MYO18B: variants seen among roughly 807,000 people sequenced by gnomAD.
MYO18B encodes unconventional myosin-XVIIIb.
A neutral mutation model predicts 273.0 loss-of-function variants in MYO18B; 204 were observed. The observed-to-expected ratio is 0.75, with a 90% CI of 0.67 to 0.84. MYO18B has a LOEUF of 0.84. Among genes scored for constraint, MYO18B ranks in the 40% least tolerant of loss-of-function variants. The probability of loss-of-function intolerance (pLI) is 0.00; values close to 1 mark genes in which losing one functional copy is unlikely to be tolerated. For synonymous variants in MYO18B, 1,330 were observed against 1,305.7 expected, an observed-to-expected ratio of 1.02 and a Z score of -0.40; for missense variants, 3,212 against 3,287.6, an observed-to-expected ratio of 0.98 and a Z score of 0.56.
chr22:25,994,770 T>C (rs1363692034), intron 40 of MYO18B, among the ~76,000 whole-genome samples: 1 of 152,246 alleles, frequency 6.6e-6, no homozygotes, highest in African/African-American at 2.4e-5. Context: ...TTGTCAATAT[T>C]ACTTGTTTGA....
chr22:26,018,973 C>T (rs139735894), intron 42 of MYO18B, among the ~76,000 whole-genome samples: 1 of 152,120 alleles, frequency 6.6e-6, no homozygotes, highest in African/African-American at 2.4e-5. Context: ...AAGAAAGGAA[C>T]GCTGTGCACC....
chr22:26,002,352 G>A (rs1265442240), intron 40 of MYO18B, among the ~76,000 whole-genome samples: 2 of 152,184 alleles, frequency 1.3e-5, no homozygotes, highest in Admixed American at 6.5e-5. Context: ...GTCTGACTGA[G>A]CTTTGGGGCT....
chr22:25,972,129 A>C (rs558377699), intron 39 of MYO18B, among the ~76,000 whole-genome samples: 2 of 151,144 alleles, frequency 1.3e-5, no homozygotes, highest in South Asian at 4.2e-4. Context: ...AAAAATACAT[A>C]CATATATATA....
chr22:25,951,896 C>T (rs1308571033), intron 37 of MYO18B, among the ~76,000 whole-genome samples: 4 of 152,222 alleles, frequency 2.6e-5, no homozygotes, highest in Admixed American at 6.5e-5. Flanking sequence ...ACACACCAGG[C>T]AGAAACCTGG....
chr22:25,816,848 C>G (rs1378554298), intron 12 of MYO18B, among the ~76,000 whole-genome samples: 3 of 152,214 alleles, frequency 2.0e-5, no homozygotes, highest in African/African-American at 7.2e-5. Context: ...TATCTCTTCT[C>G]TACAGGCAGC....
chr22:26,044,357 C>T, the MYO18B span, among the ~76,000 whole-genome samples: 654 of 152,300 alleles, frequency 4.3e-3, 1 homozygote, highest in Non-Finnish European at 6.6e-3. Flanking sequence ...TTTTTTCCTT[C>T]ATGATTCATG....
intron 39 of MYO18B, chr22:25,959,211 C>T (rs1317235762): frequency 6.6e-6 from 1 of 151,672 alleles, no homozygotes; most frequent in African/African-American, 2.4e-5. Flanking sequence ...CCCATGCCCA[C>T]TGTCACCACC....
chr22:26,015,858 T>C (rs1172091508), intron 42 of MYO18B, among the ~76,000 whole-genome samples: 1 of 152,222 alleles, frequency 6.6e-6, no homozygotes, highest in Non-Finnish European at 1.5e-5. Flanking sequence ...TTATATTTTC[T>C]TCCAGTCCTA....
At position 25,768,673 on chromosome 22, in the gene MYO18B, C is replaced by G. The variant is rs1235504751; in HGVS notation, c.757C>G (p.Leu253Val). ...GCTTGGGACCCCCAAGACCACAGAGCTGAAAGAGGCTGAGCCCCAGGGCAA... is the reference window on the plus strand; with the variant it reads ...GCTTGGGACCCCCAAGACCACAGAGGTGAAAGAGGCTGAGCCCCAGGGCAA... ...KGLGTPKTTELKEAEPQGKDR... is the reference protein window; with the variant it reads ...KGLGTPKTTEVKEAEPQGKDR... Residue 253 changes from leucine (L) to valine (V), a missense_variant, in exon 4 of 44, where the codon CTG becomes GTG. Leu to Val is a conservative substitution (Grantham distance 32). Transcript: ENST00000335473. 2.6e-6 allele frequency: 4 copies of G among 1,545,836 alleles called. No individual in the cohort carries two copies. The highest frequency in any genetic ancestry group is 2.8e-5 in the African/African-American group (2 of 72,574).
At position 25,883,707 on chromosome 22, in the gene MYO18B, G is replaced by GT. The variant is rs1261186039; in HGVS notation, c.4314+5659_4314+5660insT. The stretch of plus-strand genomic sequence containing the variant: ...GCATGCCACCCCTTTGTCTCTGGAG[G>GT]GGGAGAAACAGTAATATAAACATTG... On this transcript the variant is annotated intron_variant, in intron 25 of 43. Transcript: ENST00000335473. This position sits in a 1 kb window ranked among gnomAD's most constrained non-coding sequence, Gnocchi z 7.6. 2 of 152,130 alleles carry GT rather than the reference G, an allele frequency of 1.3e-5. No homozygotes were observed. Among genetic ancestry groups the GT allele is most frequent in the Non-Finnish European group, 2.9e-5 (2 of 68,040 alleles). 9.4% of individuals were successfully genotyped at this position (152,130 alleles called of 1,614,324 possible).
rs376927643 is a variant in MYO18B at position 25,761,145 on chromosome 22, A to T, written c.39+14A>T. 336 of 1,612,616 alleles carry T rather than the reference A, an allele frequency of 2.1e-4. 1 individual carries two copies. The highest frequency in any genetic ancestry group is 2.8e-4 in the Non-Finnish European group (328 of 1,179,848). ...TGGGAGCAGAAGGAAAGTGACACTCATGGCTGGGGCTGCAGCCATCTGCAG... is the reference window on the plus strand; with the variant it reads ...TGGGAGCAGAAGGAAAGTGACACTCTTGGCTGGGGCTGCAGCCATCTGCAG... On this transcript the variant is annotated intron_variant, in intron 2 of 43. Coordinates refer to ENST00000335473, the MANE Select transcript of MYO18B (RefSeq NM_032608.7).
At chr22:26,049,791 C>T in the MYO18B span, among the ~76,000 whole-genome samples, 1 of 152,334 alleles carries the variant, frequency 6.6e-6, no homozygotes, top group African/African-American at 2.4e-5. Context: ...ATCATGTTAC[C>T]TCTCTGAGCC....
At chr22:25,911,439 G>A (rs1333750808) in intron 33 of MYO18B, among the ~76,000 whole-genome samples, 1 of 152,214 alleles carries the variant, frequency 6.6e-6, no homozygotes, top group Non-Finnish European at 1.5e-5. Flanking sequence ...GTAGCTTTAA[G>A]CTCCAGAGGG....
At chr22:25,888,275 T>G (rs2091560872) in intron 25 of MYO18B, among the ~76,000 whole-genome samples, 2 of 152,118 alleles carry the variant, frequency 1.3e-5, no homozygotes, top group Non-Finnish European at 2.9e-5. Context: ...TTCTTTTATT[T>G]TTTTAAGAGT....
chr22:25,925,836 T>C (rs909645004), intron 34 of MYO18B, among the ~76,000 whole-genome samples: 5 of 133,384 alleles, frequency 3.7e-5, no homozygotes, highest in African/African-American at 1.5e-4. Context: ...ACCCGGGAGG[T>C]AGAGGTTGTG....
intron 34 of MYO18B, among the ~76,000 whole-genome samples, chr22:25,935,596 GAA>G (rs5844661): frequency 5.1e-4 from 71 of 139,670 alleles, no homozygotes; most frequent in South Asian, 2.1e-3. Context: ...GAAAAGAAGA[GAA>G]AAAAAAAAAC....
chr22:25,761,140 C>T lies in MYO18B; in HGVS notation c.39+9C>T, dbSNP rs779984230. ...CCCTGTGGGAGCAGAAGGAAAGTGA[C>T]ACTCATGGCTGGGGCTGCAGCCATC... is the stretch of plus-strand genomic sequence containing the variant. On this transcript the variant is annotated intron_variant, in intron 2 of 43. Coordinates refer to ENST00000335473, the MANE Select transcript of MYO18B (RefSeq NM_032608.7). The T allele has an allele frequency of 6.2e-7, 1 of 1,613,088 alleles. No individual in the cohort carries two copies. The highest frequency in any genetic ancestry group is 1.7e-5 in the Admixed American group (1 of 60,026).
chr22:25,893,309 A>G (rs911223887), intron 27 of MYO18B, among the ~76,000 whole-genome samples: 1 of 152,210 alleles, frequency 6.6e-6, no homozygotes, highest in Non-Finnish European at 1.5e-5. Context: ...GGGGTTACAG[A>G]GGGATTTTAA....
At chr22:25,878,131 C>A in intron 25 of MYO18B, 83 bp downstream of exon 25, 1 of 1,092,634 alleles carries the variant, frequency 9.2e-7, no homozygotes, top group Non-Finnish European at 1.3e-6. Flanking sequence ...AATGATATGC[C>A]TGAAAGCATG....
Sources: gnomAD v4.1 joint callset for allele counts (sites outside exome capture counted in the v4.1 genomes callset) on GRCh38, gnomAD v4.1.1 for gene constraint, Gnocchi (gnomAD v3.1) non-coding constraint, MANE v1.5 for transcripts, NCBI Gene and HGNC (gene_info 2026-07-23, HGNC 2026-07-21) for gene names.